RIMS1: variants seen among roughly 807,000 people sequenced by gnomAD.
The protein encoded by RIMS1 is regulating synaptic membrane exocytosis protein 1.
In RIMS1, 83 loss-of-function variants were observed where a neutral mutation model predicts 214.1. The ratio of observed to expected loss-of-function variants is 0.39; its 90% CI spans 0.32 to 0.47. RIMS1 has a LOEUF of 0.47. Ranked by LOEUF, RIMS1 falls within the 20% of genes least tolerant of loss-of-function variation. RIMS1 has a pLI of 0.99. For synonymous variants in RIMS1, 793 were observed against 786.8 expected, an observed-to-expected ratio of 1.01 and a Z score of -0.13; for missense variants, 2,050 against 2,161.8, an observed-to-expected ratio of 0.95 and a Z score of 1.03.
chr6:72,112,834 C>T (rs1374889196), intron 4 of RIMS1, among the ~76,000 whole-genome samples: 2 of 152,152 alleles, frequency 1.3e-5, no homozygotes, highest in Non-Finnish European at 2.9e-5. Context: ...ATTGCTAGCT[C>T]TGTAGAAAAG....
chr6:72,386,027 C>A (rs1475863018), intron 29 of RIMS1, among the ~76,000 whole-genome samples: 1 of 152,114 alleles, frequency 6.6e-6, no homozygotes, highest in African/African-American at 2.4e-5. Flanking sequence ...TATTCAAATT[C>A]ACAAAATCAA....
chr6:72,162,434 T>A lies in RIMS1; in HGVS notation c.472-17141T>A, dbSNP rs189292812. ...TATGAATTTGATCCTGTCATTATGATGTTAGCTGGTTATTTTGCTTGTTAG... is the reference window on the plus strand; with the variant it reads ...TATGAATTTGATCCTGTCATTATGAAGTTAGCTGGTTATTTTGCTTGTTAG... On this transcript the variant is annotated intron_variant, in intron 4 of 33. Transcript: ENST00000521978. 2.7e-4 allele frequency among the ~76,000 whole-genome samples: 38 copies of A among 140,968 alleles called. 4 individuals are homozygous for A. The East Asian group carries it at 7.1e-3, about 26-fold the overall frequency. The allele number at this position is 140,968 out of a possible 152,430, so 92.5% of individuals were successfully genotyped here.
chr6:71,981,347 A>T lies in RIMS1; in HGVS notation c.245+12284A>T, dbSNP rs141907038. Among the ~76,000 whole-genome samples, 125 of 152,260 alleles carry T rather than the reference A, an allele frequency of 8.2e-4. 1 individual carries two copies. Among genetic ancestry groups the T allele is most frequent in the Admixed American group, 1.7e-3 (26 of 15,278 alleles). ...CATTTACCCACTAATAATCACATTC[A>T]TTTACCCACTAACTTCTGGTTATTC... is the stretch of plus-strand genomic sequence containing the variant. On this transcript the variant is annotated intron_variant, in intron 2 of 33. Transcript: ENST00000521978.
intron 29 of RIMS1, among the ~76,000 whole-genome samples, chr6:72,349,563 T>C (rs2097374409): frequency 1.3e-5 from 2 of 151,918 alleles, no homozygotes; most frequent in South Asian, 2.1e-4. Context: ...AATTTGAAAT[T>C]GTAAGAATGA....
intron 6 of RIMS1, among the ~76,000 whole-genome samples, chr6:72,201,380 T>C (rs956991491): frequency 6.6e-6 from 1 of 152,250 alleles, no homozygotes; most frequent in African/African-American, 2.4e-5. Context: ...AAGATTTCAG[T>C]ATCACCTGTT....
At chr6:72,341,545 C>G (rs1293156987) in intron 29 of RIMS1, among the ~76,000 whole-genome samples, 2 of 151,790 alleles carry the variant, frequency 1.3e-5, no homozygotes, top group Admixed American at 6.6e-5. Flanking sequence ...ACTCAATTTA[C>G]TTTAACTTGT....
rs1207803341 is a variant in RIMS1 at position 72,258,868 on chromosome 6, A to C, written c.2928-118A>C. ...CATTGATAAGTAGGTTTTGATTATG[A>C]TGCAAATACTTTTCAGTGTTTATTT... On this transcript the variant is annotated intron_variant, in intron 17 of 33. Transcript: ENST00000521978. 1.0e-5 allele frequency: 10 copies of C among 968,930 alleles called. No individual in the cohort carries two copies. In the East Asian group the frequency reaches 2.4e-4, roughly 24 times the overall value. 60.0% of individuals were successfully genotyped at this position (968,930 alleles called of 1,614,324 possible). A position where few individuals can be genotyped will look rare whatever the true frequency, so the allele number is the denominator to read the frequency against.
intron 1 of RIMS1, among the ~76,000 whole-genome samples, chr6:71,888,732 A>G (rs1344056152): frequency 1.3e-5 from 2 of 152,238 alleles, no homozygotes; most frequent in Non-Finnish European, 2.9e-5. Flanking sequence ...TTGTAGATTC[A>G]GAAAAGGGCC....
chr6:72,217,149 A>C, intron 6 of RIMS1: 1 of 1,534,718 alleles, frequency 6.5e-7, no homozygotes, highest in Non-Finnish European at 8.7e-7. Flanking sequence ...TAATGATTTG[A>C]TGCCAGTGGC....
intron 29 of RIMS1, among the ~76,000 whole-genome samples, chr6:72,375,914 T>C (rs1312065363): frequency 1.3e-5 from 2 of 152,214 alleles, no homozygotes; most frequent in African/African-American, 2.4e-5. Context: ...AAATGGAATA[T>C]TTTTAAGTTA....
At chr6:71,935,330 A>T (rs1784128753) in intron 1 of RIMS1, among the ~76,000 whole-genome samples, 1 of 152,234 alleles carries the variant, frequency 6.6e-6, no homozygotes, top group African/African-American at 2.4e-5. Context: ...GCAAGACAAG[A>T]TAATTTATGT....
At chr6:72,205,417 G>A (rs928236320) in intron 6 of RIMS1, among the ~76,000 whole-genome samples, 6 of 152,106 alleles carry the variant, frequency 3.9e-5, no homozygotes, top group African/African-American at 1.4e-4. Flanking sequence ...TTAGGTGTAG[G>A]GGCTGCCAAG....
At chr6:71,976,888 A>T (rs967144622) in intron 2 of RIMS1, among the ~76,000 whole-genome samples, 2 of 152,162 alleles carry the variant, frequency 1.3e-5, no homozygotes, top group Non-Finnish European at 2.9e-5. Flanking sequence ...TCTCAGATTT[A>T]TGTCTTACAT....
At chr6:72,292,140 A>G (rs554883535) in intron 26 of RIMS1, 94 bp downstream of exon 26, 4 of 782,384 alleles carry the variant, frequency 5.1e-6, no homozygotes, top group East Asian at 2.7e-5. Flanking sequence ...TATTTTGATT[A>G]TATGTAGTTT....
intron 29 of RIMS1, among the ~76,000 whole-genome samples, chr6:72,386,167 CCTTT>C (rs1335804284): frequency 6.6e-6 from 1 of 152,128 alleles, no homozygotes; most frequent in African/African-American, 2.4e-5. Flanking sequence ...TGTAGATATA[CCTTT>C]CTTTAAGAAA....
chr6:72,014,245 A>T (rs1042755903), intron 2 of RIMS1, among the ~76,000 whole-genome samples: 2 of 152,168 alleles, frequency 1.3e-5, no homozygotes, highest in Non-Finnish European at 2.9e-5. Flanking sequence ...GTGAGAACTC[A>T]CTCACTATTA....
chr6:72,370,672 A>G (rs2098187760), intron 29 of RIMS1, among the ~76,000 whole-genome samples: 1 of 152,190 alleles, frequency 6.6e-6, no homozygotes, highest in Admixed American at 6.5e-5. Context: ...TGCTGCATAT[A>G]TATTTGGGGA....
chr6:71,939,797 G>A (rs1323340360), intron 1 of RIMS1, among the ~76,000 whole-genome samples: 1 of 152,190 alleles, frequency 6.6e-6, no homozygotes, highest in Non-Finnish European at 1.5e-5. Flanking sequence ...TGGCAGTTAA[G>A]TTACCATATG....
chr6:72,298,174 T>A (rs2094286618), intron 26 of RIMS1, among the ~76,000 whole-genome samples: 1 of 151,898 alleles, frequency 6.6e-6, no homozygotes, highest in Non-Finnish European at 1.5e-5. Flanking sequence ...GTCTATTAAT[T>A]TTACAGCATA....
Sources: allele counts gnomAD v4.1 joint callset (sites outside exome capture counted in the v4.1 genomes callset), GRCh38; gene constraint gnomAD v4.1.1; transcripts MANE v1.5; gene names NCBI Gene and HGNC (gene_info 2026-07-23, HGNC 2026-07-21).